The following BCAM variants were observed in gnomAD, a reference collection of about 807,000 sequenced individuals.
BCAM encodes basal cell adhesion molecule.
A neutral mutation model predicts 72.4 loss-of-function variants in BCAM; 61 were observed. The ratio of observed to expected loss-of-function variants is 0.84; its 90% CI spans 0.69 to 1.04. The LOEUF (loss-of-function observed/expected upper bound fraction) is 1.04. Among genes scored for constraint, BCAM ranks in the 50% least tolerant of loss-of-function variants. The pLI, the probability that BCAM is intolerant of heterozygous loss-of-function variation, is 0.00. For missense variants in BCAM, 909 were observed against 895.0 expected (o/e 1.02, Z -0.20); for synonymous variants, 408 against 384.2 (o/e 1.06, Z -0.73).
chr19:44,813,532 C>T lies in BCAM; in HGVS notation c.696C>T (p.Asp232=), dbSNP rs375880647. The T allele has an allele frequency of 3.0e-5, 48 of 1,612,594 alleles. No individual in the cohort carries two copies. Among genetic ancestry groups the T allele is most frequent in the Admixed American group, 8.3e-5 (5 of 60,002 alleles). ...LYLRLRKDDR[D]ASFHCAAHYS... ...TGCGGCTCCGCAAGGATGACCGAGACGCCAGCTTCCACTGCGCCGCCCACT... is the reference window on the plus strand; with the variant it reads ...TGCGGCTCCGCAAGGATGACCGAGATGCCAGCTTCCACTGCGCCGCCCACT... The change falls in exon 6 of 15, where the codon GAC becomes GAT. Residue 232 remains aspartate (D), a synonymous_variant. Coordinates refer to ENST00000270233, the MANE Select transcript of BCAM (RefSeq NM_005581.5). The surrounding 1 kb of genome is among the most constrained non-coding windows in gnomAD (Gnocchi z 4.2).
At chr19:44,815,300 A>G (rs1968490369) in intron 8 of BCAM, among the ~76,000 whole-genome samples, 3 of 152,152 alleles carry the variant, frequency 2.0e-5, no homozygotes, top group Admixed American at 2.0e-4. Context: ...CCAGGCTTCT[A>G]AGAATGATTT....
chr19:44,818,704 C>G lies in BCAM; in HGVS notation c.1195-37C>G, dbSNP rs567457664. On this transcript the variant is annotated intron_variant, in intron 9 of 14. Coordinates refer to ENST00000270233, the MANE Select transcript of BCAM (RefSeq NM_005581.5). The surrounding 1 kb of genome is among the most constrained non-coding windows in gnomAD (Gnocchi z 4.6). ...CTCCTCTCTCCCCTCACTCCTCGCC[C>G]TCTCACAGCGTCCTCCTCCTCCTCT... 4 of 1,612,938 alleles carry G rather than the reference C, an allele frequency of 2.5e-6. No homozygotes were observed. The highest frequency in any genetic ancestry group is 1.3e-5 in the African/African-American group (1 of 74,984).
chr19:44,819,435 C>T lies in BCAM; in HGVS notation c.1563C>T (p.Ser521=). 6.2e-7 allele frequency: 1 copy of T among 1,614,094 alleles called. No homozygotes were observed. Among genetic ancestry groups the T allele is most frequent in the South Asian group, 1.1e-5 (1 of 91,086 alleles). Reference sequence around the variant, plus strand: ...GCGCCCTGAGCCGCGATGGCATCTCCTGTGAAGCCTCCAACCCCCACGGGA... The same window carrying T: ...GCGCCCTGAGCCGCGATGGCATCTCTTGTGAAGCCTCCAACCCCCACGGGA... ...VTSALSRDGI[S]CEASNPHGNK... The change falls in exon 12 of 15, where the codon TCC becomes TCT. Residue 521 remains serine, a synonymous_variant. Coordinates refer to ENST00000270233, the MANE Select transcript of BCAM (RefSeq NM_005581.5).
At chr19:44,815,998 A>ACT (rs1968499217) in intron 8 of BCAM, among the ~76,000 whole-genome samples, 2 of 151,156 alleles carry the variant, frequency 1.3e-5, no homozygotes, top group African/African-American at 2.4e-5. Flanking sequence ...AGCGACAGAG[A>ACT]AAGACCCCGT....
chr19:44,812,292 C>A lies in BCAM; in HGVS notation c.334C>A (p.Leu112Met), dbSNP rs1568571276. The change falls in exon 3 of 15, where the codon CTG becomes ATG. Residue 112 changes from leucine (L) to methionine (M), a missense_variant. Physicochemically the swap from Leu to Met is conservative, Grantham distance 15. Transcript: ENST00000270233. This position sits in a 1 kb window ranked among gnomAD's most constrained non-coding sequence, Gnocchi z 5.3. ...YQLDSQGRLV[L>M]AEAQVGDERD... The stretch of plus-strand genomic sequence containing the variant: ...GCTGGACTCCCAGGGGCGCCTGGTG[C>A]TGGCTGAGGCCCAGGTGGGCGACGA... 6.2e-7 allele frequency: 1 copy of A among 1,611,722 alleles called. No individual in the cohort carries two copies. Among genetic ancestry groups the A allele is most frequent in the African/African-American group, 1.3e-5 (1 of 74,998 alleles).
chr19:44,819,364 G>C lies in BCAM; in HGVS notation c.1492G>C (p.Gly498Arg). The C allele has an allele frequency of 6.2e-7, 1 of 1,614,028 alleles. No individual in the cohort carries two copies. The highest frequency in any genetic ancestry group is 8.5e-7 in the Non-Finnish European group (1 of 1,179,946). Residue 498 changes from glycine (G) to arginine (R), a missense_variant, in exon 12 of 15, where the codon GGA becomes CGA. Physicochemically the swap from Gly to Arg is moderately radical, Grantham distance 125 (BLOSUM62 -2). Coordinates refer to ENST00000270233, the MANE Select transcript of BCAM (RefSeq NM_005581.5). ...TCCATAGCCCGCAGAGCCAATCCCC[G>C]GACGGCAGGGTTGGGTGAGCAGCTC... ...LGGSPAEPIPGRQGWVSSSLT... is the reference protein window; with the variant it reads ...LGGSPAEPIPRRQGWVSSSLT...
At position 44,812,793 on chromosome 19, in the gene BCAM, T is replaced by C. The variant is rs1474961838; in HGVS notation, c.504+245T>C. On this transcript the variant is annotated intron_variant, in intron 4 of 14. Transcript: ENST00000270233. The surrounding 1 kb of genome is among the most constrained non-coding windows in gnomAD (Gnocchi z 5.3). ...AATGAAACCCCGTCTCTACTAAAGA[T>C]ACAAAAATTAGCTGGGTGTGTTGGT... 3.9e-6 allele frequency: 2 copies of C among 506,494 alleles called. No individual in the cohort carries two copies. The highest frequency in any genetic ancestry group is 3.5e-5 in the Admixed American group (1 of 28,796). 31.4% of individuals were successfully genotyped at this position (506,494 alleles called of 1,614,324 possible).
chr19:44,814,499 C>G lies in BCAM; in HGVS notation c.922-105C>G. ...CACCTGACTTGATGGCCCCTGACCC[C>G]TGATTCTGGCTTAGCATGACACTAA... On this transcript the variant is annotated intron_variant, in intron 7 of 14. Transcript: ENST00000270233. The surrounding 1 kb of genome is among the most constrained non-coding windows in gnomAD (Gnocchi z 4.6). 4 of 1,486,734 alleles carry G rather than the reference C, an allele frequency of 2.7e-6. No individual in the cohort carries two copies. Among genetic ancestry groups the G allele is most frequent in the Non-Finnish European group, 2.7e-6 (3 of 1,104,394 alleles). 92.1% of individuals were successfully genotyped at this position (1,486,734 alleles called of 1,614,324 possible). A position where few individuals can be genotyped will look rare whatever the true frequency, so the allele number is the denominator to read the frequency against.
At chr19:44,809,592 C>T (rs1968390422) in intron 1 of BCAM, among the ~76,000 whole-genome samples, 1 of 152,100 alleles carries the variant, frequency 6.6e-6, no homozygotes, top group African/African-American at 2.4e-5. Flanking sequence ...GGATCAAAAC[C>T]CCAGGGCTCT....
rs1191915654 is a variant in BCAM at position 44,815,847 on chromosome 19, C to G, written c.1078+1087C>G. On this transcript the variant is annotated intron_variant, in intron 8 of 14. Coordinates refer to ENST00000270233, the MANE Select transcript of BCAM (RefSeq NM_005581.5). ...GAGGGAGACCCCATTTGCACACACA[C>G]ACACACAAATTAAAAATTAGCCAGG... 2.0e-5 allele frequency among the ~76,000 whole-genome samples: 3 copies of G among 149,880 alleles called. No individual in the cohort carries two copies. In the East Asian group the frequency reaches 6.0e-4, roughly 30 times the overall value.
chr19:44,818,676 A>T lies in BCAM; in HGVS notation c.1194+39A>T. ...GAGCCCCCTCGGGCCCTGCACTCGC[A>T]CCCTCCTCTCTCCCCTCACTCCTCG... On this transcript the variant is annotated intron_variant, in intron 9 of 14. Transcript: ENST00000270233. This position sits in a 1 kb window ranked among gnomAD's most constrained non-coding sequence, Gnocchi z 4.6. 1 of 1,609,106 alleles carries T rather than the reference A, an allele frequency of 6.2e-7. No homozygotes were observed. Among genetic ancestry groups the T allele is most frequent in the Non-Finnish European group, 8.5e-7 (1 of 1,177,290 alleles).
rs1968585933 is a variant in BCAM at position 44,821,129 on chromosome 19, A to G, written c.*208A>G. On this transcript the variant is annotated 3_prime_UTR_variant, in exon 15 of 15. Coordinates refer to ENST00000270233, the MANE Select transcript of BCAM (RefSeq NM_005581.5). The stretch of plus-strand genomic sequence containing the variant: ...AGGAGAGGGAGGGTGGGTGGGTGGG[A>G]GGGGGCCTTCCTCCAGGGAATGTGA... 1 of 574,004 alleles carries G rather than the reference A, an allele frequency of 1.7e-6. No individual in the cohort carries two copies. Among genetic ancestry groups the G allele is most frequent in the Non-Finnish European group, 2.8e-6 (1 of 357,434 alleles). The allele number at this position is 574,004 out of a possible 1,614,324, so 35.6% of individuals were successfully genotyped here.
In BCAM at chr19:44,820,813, C is replaced by A; in HGVS notation, c.1872C>A (p.Phe624Leu). The change falls in exon 14 of 15, where the codon TTC becomes TTA. Residue 624 changes from phenylalanine to leucine, a missense_variant. By Grantham distance (22) the Phe-to-Leu change is conservative (BLOSUM62 0). Coordinates refer to ENST00000270233, the MANE Select transcript of BCAM (RefSeq NM_005581.5). Reference protein sequence around the residue: ...SGGARGGSGGFGDEC With the variant: ...SGGARGGSGGLGDEC ...GAGCCAGGGGTGGCAGCGGGGGCTT[C>A]GGAGACGAGGTGGGTGAGGGCCTGG... 1 of 1,510,966 alleles carries A rather than the reference C, an allele frequency of 6.6e-7. No homozygotes were observed. Among genetic ancestry groups the A allele is most frequent in the Non-Finnish European group, 8.9e-7 (1 of 1,127,230 alleles). 93.6% of individuals were successfully genotyped at this position (1,510,966 alleles called of 1,614,324 possible).
chr19:44,811,425 G>A (rs1019694166), intron 2 of BCAM, 79 bp downstream of exon 2: 9 of 1,589,048 alleles, frequency 5.7e-6, no homozygotes, highest in South Asian at 1.1e-5. Flanking sequence ...AGTGCCTAAG[G>A]CCTGTAGAGA....
chr19:44,814,488 GC>G lies in BCAM; in HGVS notation c.922-112del. On this transcript the variant is annotated intron_variant, in intron 7 of 14. Transcript: ENST00000270233. The surrounding 1 kb of genome is among the most constrained non-coding windows in gnomAD (Gnocchi z 4.6). Reference sequence around the variant, plus strand: ...ACTTAGCATGCCACCTGACTTGATGGCCCCTGACCCCTGATTCTGGCTTAGC... The same window carrying G: ...ACTTAGCATGCCACCTGACTTGATGGCCCTGACCCCTGATTCTGGCTTAGC... 1 of 1,441,108 alleles carries G rather than the reference GC, an allele frequency of 6.9e-7. No homozygotes were observed. The allele number at this position is 1,441,108 out of a possible 1,614,324, so 89.3% of individuals were successfully genotyped here.
intron 8 of BCAM, among the ~76,000 whole-genome samples, chr19:44,816,711 G>C (rs1042709047): frequency 9.2e-4 from 140 of 152,134 alleles, no homozygotes; most frequent in African/African-American, 3.0e-3. Context: ...GGCCGAGGCA[G>C]GTGGATCACC....
rs1026409274 is a variant in BCAM, at chr19:44,812,843, G to C, written c.504+295G>C. 2.2e-6 allele frequency: 1 copy of C among 454,568 alleles called. No homozygotes were observed. Among genetic ancestry groups the C allele is most frequent in the Non-Finnish European group, 3.9e-6 (1 of 253,864 alleles). The allele number at this position is 454,568 out of a possible 1,614,324, so 28.2% of individuals were successfully genotyped here. A position where few individuals can be genotyped will look rare whatever the true frequency, so the allele number is the denominator to read the frequency against. ...TGTGCAACTGTAATCCCAGCTGCTC[G>C]GGAGGCTGAGACAGGAGAATCACTC... On this transcript the variant is annotated intron_variant, in intron 4 of 14. Transcript: ENST00000270233. The surrounding 1 kb of genome is among the most constrained non-coding windows in gnomAD (Gnocchi z 5.3).
Position 44,821,005 on chromosome 19 carries a change from G to T in BCAM, c.*84G>T. 1.4e-6 allele frequency: 2 copies of T among 1,414,772 alleles called. No individual in the cohort carries two copies. The highest frequency in any genetic ancestry group is 1.9e-6 in the Non-Finnish European group (2 of 1,074,300). The allele number at this position is 1,414,772 out of a possible 1,614,324, so 87.6% of individuals were successfully genotyped here. A position where few individuals can be genotyped will look rare whatever the true frequency, so the allele number is the denominator to read the frequency against. ...CCCTGCTCACGCCATGCCCGCCCCC[G>T]CCTTCCCTCTTCCCTCTTCCCTCTC... On this transcript the variant is annotated 3_prime_UTR_variant, in exon 15 of 15. Coordinates refer to ENST00000270233, the MANE Select transcript of BCAM (RefSeq NM_005581.5).
At chr19:44,816,931 T>C (rs1968510117) in intron 8 of BCAM, among the ~76,000 whole-genome samples, 1 of 144,082 alleles carries the variant, frequency 6.9e-6, no homozygotes, top group Non-Finnish European at 1.5e-5. Flanking sequence ...AGAGCAAGAG[T>C]CTGTCTCAAA....
Sources: allele counts gnomAD v4.1 joint callset (sites outside exome capture counted in the v4.1 genomes callset), GRCh38; gene constraint gnomAD v4.1.1; non-coding constraint Gnocchi (gnomAD v3.1); transcripts MANE v1.5; gene names NCBI Gene and HGNC (gene_info 2026-07-23, HGNC 2026-07-21).